Variants in NOS1AP observed in about 807,000 individuals in gnomAD.
NOS1AP encodes nitric oxide synthase 1 adaptor protein.
NOS1AP carries 21 observed loss-of-function variants against 56.2 expected under a neutral mutation model. That is an observed-to-expected ratio of 0.37 (90% confidence interval 0.26 to 0.54). The LOEUF is 0.54. Among genes scored for constraint, NOS1AP ranks in the 20% least tolerant of loss-of-function variants. The pLI is 0.84. For missense variants in NOS1AP, 522 were observed against 657.8 expected (o/e 0.79, Z 2.26); for synonymous variants, 270 against 274.6 (o/e 0.98, Z 0.17).
At chr1:162,175,533 T>C (rs1345065227) in intron 2 of NOS1AP, among the ~76,000 whole-genome samples, 4 of 152,136 alleles carry the variant, frequency 2.6e-5, no homozygotes, top group Non-Finnish European at 5.9e-5. Flanking sequence ...GCTCATCTGG[T>C]GTATTTCCTG....
At chr1:162,203,167 T>G (rs1652050695) in intron 2 of NOS1AP, among the ~76,000 whole-genome samples, 1 of 152,190 alleles carries the variant, frequency 6.6e-6, no homozygotes, top group Non-Finnish European at 1.5e-5. Context: ...AAGGCTGTTT[T>G]TTTCCCTATG....
intron 2 of NOS1AP, among the ~76,000 whole-genome samples, chr1:162,183,980 T>C (rs1571107989): frequency 6.6e-6 from 1 of 152,374 alleles, no homozygotes; most frequent in East Asian, 1.9e-4. Context: ...GAGGCCTAGC[T>C]TTCGGCCTAT....
chr1:162,303,246 T>A (rs188604511), intron 4 of NOS1AP, among the ~76,000 whole-genome samples: 30 of 152,362 alleles, frequency 2.0e-4, no homozygotes, highest in South Asian at 1.4e-3. Flanking sequence ...ATGATAGGTA[T>A]ACATTTAACT....
intron 2 of NOS1AP, among the ~76,000 whole-genome samples, chr1:162,216,583 T>A (rs1557836043): frequency 6.6e-6 from 1 of 152,238 alleles, no homozygotes; most frequent in Non-Finnish European, 1.5e-5. Flanking sequence ...TTTGGTTTAT[T>A]CATCTACCAA....
chr1:162,261,773 CACTA>C (rs1360398450), intron 2 of NOS1AP, among the ~76,000 whole-genome samples: 2 of 152,246 alleles, frequency 1.3e-5, no homozygotes, highest in East Asian at 1.9e-4. Flanking sequence ...ATTTTTAAGC[CACTA>C]ACTTTGTGTC....
intron 3 of NOS1AP, among the ~76,000 whole-genome samples, chr1:162,294,814 G>A (rs956184207): frequency 1.3e-5 from 2 of 152,180 alleles, no homozygotes; most frequent in African/African-American, 4.8e-5. Flanking sequence ...TTTGGGCATG[G>A]CAGAATGCTA....
rs575945253 is a variant in NOS1AP at position 162,133,434 on chromosome 1, A to G, written c.106-20971A>G. Among the ~76,000 whole-genome samples, 4 of 152,360 alleles carry G rather than the reference A, an allele frequency of 2.6e-5. No individual in the cohort carries two copies. The South Asian group carries it at 8.3e-4, about 32-fold the overall frequency. On this transcript the variant is annotated intron_variant, in intron 1 of 9. Transcript: ENST00000361897. ...AAACCCAGATACCATTTATAGTTTT[A>G]TCTAAAAGTCTATGAATGAAATCAT...
intron 1 of NOS1AP, among the ~76,000 whole-genome samples, chr1:162,092,102 G>A (rs944460362): frequency 6.6e-6 from 1 of 152,190 alleles, no homozygotes; most frequent in Admixed American, 6.5e-5. Context: ...GATTGGCATT[G>A]CAGCTTGTCC....
intron 2 of NOS1AP, among the ~76,000 whole-genome samples, chr1:162,189,574 A>G (rs1651551884): frequency 6.6e-6 from 1 of 152,206 alleles, no homozygotes; most frequent in African/African-American, 2.4e-5. Flanking sequence ...GGCACTGGGA[A>G]ACAGGTAAAT....
intron 1 of NOS1AP, among the ~76,000 whole-genome samples, chr1:162,126,093 T>G (rs1224500577): frequency 6.6e-6 from 1 of 152,216 alleles, no homozygotes; most frequent in African/African-American, 2.4e-5. Context: ...CAGTTGTTGG[T>G]GTATAGCAGT....
intron 4 of NOS1AP, among the ~76,000 whole-genome samples, chr1:162,301,977 T>A (rs1166960244): frequency 6.6e-6 from 1 of 152,230 alleles, no homozygotes; most frequent in East Asian, 1.9e-4. Flanking sequence ...TGCTAGGTAA[T>A]TTCATAGATT....
chr1:162,196,872 A>G (rs891367044), intron 2 of NOS1AP, among the ~76,000 whole-genome samples: 13 of 152,266 alleles, frequency 8.5e-5, no homozygotes, highest in Non-Finnish European at 2.9e-5. Context: ...AGAGTAGAGT[A>G]GGGCTGGAGG....
chr1:162,191,905 G>A (rs1484493468), intron 2 of NOS1AP, among the ~76,000 whole-genome samples: 2 of 152,144 alleles, frequency 1.3e-5, no homozygotes, highest in African/African-American at 4.8e-5. Flanking sequence ...ATCCTGGCCT[G>A]TGGTTGGTGC....
In NOS1AP at chr1:162,367,835, C is replaced by A. The variant is rs528929031; in HGVS notation, c.*368C>A. ...CTTTGTCCGTGATGCCCCCCTACCC[C>A]CTCACTCTCCCCGTCTCCATGGTCC... On this transcript the variant is annotated 3_prime_UTR_variant, in exon 10 of 10. Transcript: ENST00000361897. The surrounding 1 kb of genome is among the most constrained non-coding windows in gnomAD (Gnocchi z 6.5). 4.4e-6 allele frequency: 1 copy of A among 228,244 alleles called. No homozygotes were observed. The highest frequency in any genetic ancestry group is 8.7e-6 in the Non-Finnish European group (1 of 114,992). 14.1% of individuals were successfully genotyped at this position (228,244 alleles called of 1,614,324 possible). A position where few individuals can be genotyped will look rare whatever the true frequency, so the allele number is the denominator to read the frequency against.
intron 4 of NOS1AP, among the ~76,000 whole-genome samples, chr1:162,327,118 G>C (rs1281346437): frequency 6.6e-6 from 1 of 152,170 alleles, no homozygotes; most frequent in Admixed American, 6.5e-5. Flanking sequence ...GAGAGAAAAA[G>C]GGGTGTGAAG....
intron 2 of NOS1AP, among the ~76,000 whole-genome samples, chr1:162,160,837 A>G (rs1650173531): frequency 6.6e-6 from 1 of 152,190 alleles, no homozygotes; most frequent in Non-Finnish European, 1.5e-5. Flanking sequence ...AATAATACAA[A>G]CTTAGCGGCT....
In NOS1AP at chr1:162,320,747, G is replaced by A. The variant is rs1483349771; in HGVS notation, c.345-12270G>A. Among the ~76,000 whole-genome samples, 12 of 152,216 alleles carry A rather than the reference G, an allele frequency of 7.9e-5. No homozygotes were observed. The South Asian group carries it at 1.0e-3, about 13-fold the overall frequency. On this transcript the variant is annotated intron_variant, in intron 4 of 9. Coordinates refer to ENST00000361897, the MANE Select transcript of NOS1AP (RefSeq NM_014697.3). ...CGCGCGCCTGTAGTCCCAGCTACTCGGGAGGCTGAGGCAGGAGAATCGCTT... is the reference window on the plus strand; with the variant it reads ...CGCGCGCCTGTAGTCCCAGCTACTCAGGAGGCTGAGGCAGGAGAATCGCTT...
chr1:162,109,272 A>ATT (rs1647624130), intron 1 of NOS1AP, among the ~76,000 whole-genome samples: 1 of 152,200 alleles, frequency 6.6e-6, no homozygotes, highest in Admixed American at 6.5e-5. Flanking sequence ...TTTGGATCTT[A>ATT]AGGATAACAA....
chr1:162,083,886 T>G (rs1691946334), intron 1 of NOS1AP, among the ~76,000 whole-genome samples: 1 of 152,214 alleles, frequency 6.6e-6, no homozygotes, highest in Admixed American at 6.5e-5. Context: ...ACACTTCAGT[T>G]TGAGACCCAC....
Sources: gnomAD v4.1 joint callset for allele counts (sites outside exome capture counted in the v4.1 genomes callset) on GRCh38, gnomAD v4.1.1 for gene constraint, Gnocchi (gnomAD v3.1) non-coding constraint, MANE v1.5 for transcripts, NCBI Gene and HGNC (gene_info 2026-07-23, HGNC 2026-07-21) for gene names.